Variants in CYB5R4 observed in about 807,000 individuals in gnomAD.
The protein encoded by CYB5R4 is N-terminal cytochrome b5 and cytochrome b5 oxidoreductase domain-containing protein.
Under a neutral mutation model 70.2 loss-of-function variants are expected in CYB5R4, and 55 were observed. That is an observed-to-expected ratio of 0.78 (90% CI 0.63 to 0.98). The LOEUF is 0.98. CYB5R4 is among the 50% of genes least tolerant of loss of function. The pLI is 0.00. For missense variants in CYB5R4, 562 were observed against 612.6 expected, an observed-to-expected ratio of 0.92 and a Z score of 0.87; for synonymous variants, 197 against 199.5, an observed-to-expected ratio of 0.99 and a Z score of 0.11.
rs71549572 is a variant in CYB5R4 at position 83,874,519 on chromosome 6, CT to C, written c.229+10203del. Among the ~76,000 whole-genome samples, 1,337 of 144,934 alleles carry C rather than the reference CT, an allele frequency of 9.2e-3. 6 individuals are homozygous for C. The highest frequency in any genetic ancestry group is 0.011 in the African/African-American group (423 of 39,674). The stretch of plus-strand genomic sequence containing the variant: ...TCAAAGACCTCATTCTTTCTCAGAC[CT>C]TTTTTTTTTTTCCCCCTAAGGCTAA... On this transcript the variant is annotated intron_variant, in intron 2 of 15. Transcript: ENST00000369681.
chr6:83,883,380 A>C (rs2099459758), intron 2 of CYB5R4, among the ~76,000 whole-genome samples: 1 of 152,228 alleles, frequency 6.6e-6, no homozygotes, highest in Non-Finnish European at 1.5e-5. Flanking sequence ...TCAGAGGCTT[A>C]GCAAATCTAA....
Position 83,925,659 on chromosome 6 carries a change from T to G in CYB5R4, c.814+1067T>G, listed in dbSNP as rs186049755. On this transcript the variant is annotated intron_variant, in intron 10 of 15. Transcript: ENST00000369681. ...GTGCCAGAACATGGATGATTTTTCA[T>G]CCTTCATGCTGGGTATACATTTTTT... 1.4e-3 allele frequency among the ~76,000 whole-genome samples: 207 copies of G among 152,326 alleles called. 1 individual carries two copies. The highest frequency in any genetic ancestry group is 1.5e-3 in the Non-Finnish European group (99 of 68,032).
Position 83,960,597 on chromosome 6 carries a change from G to A in CYB5R4, c.*719G>A, listed in dbSNP as rs1358018593. 5.3e-5 allele frequency: 8 copies of A among 152,104 alleles called. No homozygotes were observed. Among genetic ancestry groups the A allele is most frequent in the Non-Finnish European group, 8.8e-5 (6 of 68,014 alleles). 9.4% of individuals were successfully genotyped at this position (152,104 alleles called of 1,614,324 possible). ...ACCTTGACAGCTATTTTTACTCTTA[G>A]CCAAAAACAAAGACATTAGGAAAGA... On this transcript the variant is annotated 3_prime_UTR_variant, in exon 16 of 16. Coordinates refer to ENST00000369681, the MANE Select transcript of CYB5R4 (RefSeq NM_016230.4).
At chr6:83,877,234 A>C (rs2099458708) in intron 2 of CYB5R4, among the ~76,000 whole-genome samples, 1 of 152,126 alleles carries the variant, frequency 6.6e-6, no homozygotes, top group Non-Finnish European at 1.5e-5. Flanking sequence ...ATTGTCATTG[A>C]GCATACATTT....
intron 4 of CYB5R4, among the ~76,000 whole-genome samples, chr6:83,912,056 CAAAAAA>C (rs34601186): frequency 7.7e-5 from 5 of 64,682 alleles, no homozygotes; most frequent in African/African-American, 1.0e-4. Context: ...GGCCTTGTCT[CAAAAAA>C]AAAAAAAAAA....
Position 83,955,480 on chromosome 6 carries a change from A to G in CYB5R4, c.1511+18A>G, listed in dbSNP as rs1430707309. 1.2e-5 allele frequency: 19 copies of G among 1,606,544 alleles called. No individual in the cohort carries two copies. The highest frequency in any genetic ancestry group is 1.5e-5 in the Non-Finnish European group (18 of 1,175,322). ...GGAGTAAGGTGAGTAACAGTGTAGT[A>G]GGAAACAGACTGCCCAACACTGAAG... On this transcript the variant is annotated intron_variant, in intron 15 of 15. Transcript: ENST00000369681.
intron 12 of CYB5R4, among the ~76,000 whole-genome samples, chr6:83,936,959 C>T (rs1018456746): frequency 5.3e-5 from 8 of 152,192 alleles, no homozygotes; most frequent in African/African-American, 1.9e-4. Context: ...TTTTCTTTAC[C>T]TGTCAAGTAC....
At chr6:83,943,174 C>T (rs890094321) in intron 14 of CYB5R4, among the ~76,000 whole-genome samples, 7 of 152,130 alleles carry the variant, frequency 4.6e-5, no homozygotes, top group African/African-American at 7.2e-5. Context: ...CGGGGAGACA[C>T]CCCCCAGCAG....
At chr6:83,910,354 G>A in intron 4 of CYB5R4, 1 of 543,956 alleles carries the variant, frequency 1.8e-6, no homozygotes, top group East Asian at 3.2e-5. Context: ...ACGGTTACTG[G>A]TGGAGAGAGG....
intron 7 of CYB5R4, among the ~76,000 whole-genome samples, chr6:83,920,862 A>G (rs2099466263): frequency 6.6e-6 from 1 of 152,186 alleles, no homozygotes; most frequent in Non-Finnish European, 1.5e-5. Flanking sequence ...GATAAGGTAG[A>G]TATTAAACAG....
intron 3 of CYB5R4, among the ~76,000 whole-genome samples, chr6:83,899,946 T>G (rs1438857348): frequency 6.6e-6 from 1 of 152,018 alleles, no homozygotes; most frequent in Non-Finnish European, 1.5e-5. Context: ...TTTTGAAGGG[T>G]TTTTTATGTC....
chr6:83,911,864 C>T (rs1014615832), intron 4 of CYB5R4, among the ~76,000 whole-genome samples: 16 of 151,496 alleles, frequency 1.1e-4, no homozygotes, highest in Non-Finnish European at 1.6e-4. Flanking sequence ...GGCTACATAG[C>T]GAAACCCTGT....
Position 83,924,475 on chromosome 6 carries a change from G to T in CYB5R4, c.697G>T (p.Val233Phe), listed in dbSNP as rs1402506889. Residue 233 changes from valine (V) to phenylalanine (F), a missense_variant, in exon 10 of 16, where the codon GTT (valine) becomes TTT (phenylalanine). Coordinates refer to ENST00000369681, the MANE Select transcript of CYB5R4 (RefSeq NM_016230.4). ...GGAATTTATCTTCTTTTCAGTGCGG[G>T]TTGTTGAGAGTGTGGGAAAAATAGA... is the stretch of plus-strand genomic sequence containing the variant. ...HEVQEDFSVR[V>F]VESVGKIEIV... The T allele has an allele frequency of 9.3e-6, 15 of 1,613,320 alleles. No homozygotes were observed. The highest frequency in any genetic ancestry group is 5.3e-5 in the African/African-American group (4 of 74,854).
At chr6:83,951,041 A>G (rs2129145059) in intron 14 of CYB5R4, among the ~76,000 whole-genome samples, 1 of 152,138 alleles carries the variant, frequency 6.6e-6, no homozygotes, top group East Asian at 1.9e-4. Context: ...GATTGCTACA[A>G]AATATCTTAC....
intron 10 of CYB5R4, among the ~76,000 whole-genome samples, chr6:83,930,421 C>T (rs1362046361): frequency 6.6e-6 from 1 of 152,154 alleles, no homozygotes; most frequent in Non-Finnish European, 1.5e-5. Flanking sequence ...GTCATTTCAG[C>T]AACATTTCAC....
At chr6:83,942,314 C>T (rs993002871) in intron 14 of CYB5R4, among the ~76,000 whole-genome samples, 1 of 152,178 alleles carries the variant, frequency 6.6e-6, no homozygotes, top group African/African-American at 2.4e-5. Flanking sequence ...TGGGTGCAGT[C>T]CATGGAGGGC....
chr6:83,904,755 T>A (rs973007174), intron 3 of CYB5R4, among the ~76,000 whole-genome samples: 1 of 152,228 alleles, frequency 6.6e-6, no homozygotes, highest in Admixed American at 6.5e-5. Flanking sequence ...TTGGTTCTTT[T>A]TCATGACGTC....
At chr6:83,955,939 A>G (rs1372663030) in intron 15 of CYB5R4, among the ~76,000 whole-genome samples, 1 of 152,246 alleles carries the variant, frequency 6.6e-6, no homozygotes, top group Non-Finnish European at 1.5e-5. Context: ...GGCAAGACTA[A>G]TAGTTGAAGC....
At chr6:83,900,396 A>C (rs2099462716) in intron 3 of CYB5R4, among the ~76,000 whole-genome samples, 2 of 152,052 alleles carry the variant, frequency 1.3e-5, no homozygotes, top group African/African-American at 2.4e-5. Context: ...ACTAAGTGGT[A>C]AATTTTGGAA....
Sources: allele counts gnomAD v4.1 joint callset (sites outside exome capture counted in the v4.1 genomes callset), GRCh38; gene constraint gnomAD v4.1.1; transcripts MANE v1.5; gene names NCBI Gene and HGNC (gene_info 2026-07-23, HGNC 2026-07-21).